The following C10orf90 variants were observed in gnomAD, a reference collection of about 807,000 sequenced individuals.
C10orf90 encodes the protein (E2-independent) E3 ubiquitin-conjugating enzyme FATS.
Under a neutral mutation model 62.5 loss-of-function variants are expected in C10orf90, and 56 were observed. That is an observed-to-expected ratio of 0.90 (90% CI 0.72 to 1.12). C10orf90 has a LOEUF of 1.12. Ranked by LOEUF, C10orf90 falls within the 50% of genes most tolerant of loss-of-function variation. The pLI is 0.00. For synonymous variants in C10orf90, 386 were observed against 340.4 expected (o/e 1.13, Z -1.47); for missense variants, 970 against 880.4 (o/e 1.10, Z -1.29).
intron 4 of C10orf90, among the ~76,000 whole-genome samples, chr10:126,494,646 C>G (rs191505169): frequency 6.6e-6 from 1 of 152,184 alleles, no homozygotes; most frequent in Non-Finnish European, 1.5e-5. Flanking sequence ...CGCCATGATG[C>G]GGTCCTTGCA....
chr10:126,451,404 G>A (rs1468003053), intron 7 of C10orf90, among the ~76,000 whole-genome samples: 1 of 152,104 alleles, frequency 6.6e-6, no homozygotes, highest in Non-Finnish European at 1.5e-5. Flanking sequence ...ATTCAGAATA[G>A]CCAAGATATG....
chr10:126,483,264 C>G (rs1424657773), intron 4 of C10orf90, among the ~76,000 whole-genome samples: 3 of 152,252 alleles, frequency 2.0e-5, no homozygotes, highest in African/African-American at 7.2e-5. Flanking sequence ...CTGTTTCATA[C>G]TTGGCATTCT....
intron 2 of C10orf90, among the ~76,000 whole-genome samples, chr10:126,548,612 A>C (rs554409464): frequency 6.6e-6 from 1 of 152,082 alleles, no homozygotes; most frequent in African/African-American, 2.4e-5. Context: ...TGATCCACCC[A>C]ACTCGGCCTC....
intron 2 of C10orf90, among the ~76,000 whole-genome samples, chr10:126,618,828 C>T (rs767318074): frequency 1.2e-4 from 19 of 152,180 alleles, no homozygotes; most frequent in Admixed American, 1.1e-3. Flanking sequence ...CAGAGCTGCA[C>T]TTTCCCTGTT....
chr10:126,618,660 T>C lies in C10orf90; in HGVS notation c.313+27905A>G, dbSNP rs77657857. Among the ~76,000 whole-genome samples, 1,167 of 151,898 alleles carry C rather than the reference T, an allele frequency of 7.7e-3. 9 individuals carry two copies. Among genetic ancestry groups the C allele is most frequent in the Non-Finnish European group, 0.013 (914 of 67,952 alleles). ...CTTTTACTGAAGTATGATTCATATATAGAAAAAAAAACAAATCACAAAGGG... is the reference window on the plus strand; with the variant it reads ...CTTTTACTGAAGTATGATTCATATACAGAAAAAAAAACAAATCACAAAGGG... On this transcript the variant is annotated intron_variant, in intron 2 of 9. Coordinates refer to ENST00000488181, the MANE Select transcript of C10orf90 (RefSeq NM_001350921.2).
rs888930399 is a variant in C10orf90, at chr10:126,571,392, G to A, written c.314-57453C>T. ...GTGGCCCAAGTCACCCAGGAGCAGC[G>A]CAGTTGGGAACCTGCAGGGCTGCTC... is the stretch of plus-strand genomic sequence containing the variant. On this transcript the variant is annotated intron_variant, in intron 2 of 9. Coordinates refer to ENST00000488181, the MANE Select transcript of C10orf90 (RefSeq NM_001350921.2). Among the ~76,000 whole-genome samples, 4 of 152,288 alleles carry A rather than the reference G, an allele frequency of 2.6e-5. 1 individual carries two copies. Among genetic ancestry groups the A allele is most frequent in the East Asian group, 3.9e-4 (2 of 5,152 alleles).
chr10:126,504,783 G>A lies in C10orf90; in HGVS notation c.708C>T (p.Ser236=). The change falls in exon 4 of 10, where the codon TCC becomes TCT. Residue 236 remains serine, a synonymous_variant. Transcript: ENST00000488181. This position sits in a 1 kb window ranked among gnomAD's most constrained non-coding sequence, Gnocchi z 4.1. ...PCGGPRRGFA[S]ITITARRVGP... ...CCACGCGTCTGGCCGTGATGGTGAT[G>A]GATGCAAACCCTCTGCGGGGGCCCC... 6.3e-7 allele frequency: 1 copy of A among 1,584,910 alleles called. No individual in the cohort carries two copies. Among genetic ancestry groups the A allele is most frequent in the Non-Finnish European group, 8.6e-7 (1 of 1,165,268 alleles).
At chr10:126,574,359 A>T (rs998816130) in intron 2 of C10orf90, among the ~76,000 whole-genome samples, 4 of 152,142 alleles carry the variant, frequency 2.6e-5, no homozygotes, top group Non-Finnish European at 4.4e-5. Flanking sequence ...TACAAATGGG[A>T]AGTTCACAGA....
chr10:126,440,832 GA>G (rs1336216694), intron 7 of C10orf90, among the ~76,000 whole-genome samples: 1 of 152,124 alleles, frequency 6.6e-6, no homozygotes, highest in Non-Finnish European at 1.5e-5. Flanking sequence ...ACATTCATAG[GA>G]AAAGGGGGAG....
chr10:126,515,013 G>GA (rs1344781768), intron 2 of C10orf90, among the ~76,000 whole-genome samples: 1 of 152,228 alleles, frequency 6.6e-6, no homozygotes, highest in Admixed American at 6.5e-5. Context: ...CAGGTGATGA[G>GA]AAAGAAGAGA....
chr10:126,571,082 A>G (rs1237727455), intron 2 of C10orf90, among the ~76,000 whole-genome samples: 3 of 152,226 alleles, frequency 2.0e-5, no homozygotes, highest in Non-Finnish European at 1.5e-5. Context: ...ATGGAAATAA[A>G]TGTTAGGTTT....
At chr10:126,653,779 G>A (rs1204641753) in intron 1 of C10orf90, among the ~76,000 whole-genome samples, 1 of 152,112 alleles carries the variant, frequency 6.6e-6, no homozygotes, top group African/African-American at 2.4e-5. Context: ...ACTCTCTATG[G>A]CAGCTATAGC....
chr10:126,531,849 G>A (rs921919646), intron 2 of C10orf90, among the ~76,000 whole-genome samples: 3 of 152,170 alleles, frequency 2.0e-5, no homozygotes, highest in African/African-American at 7.2e-5. Flanking sequence ...GGAAGCCACA[G>A]ACTGGGATAA....
At chr10:126,475,672 TG>T (rs1464586187) in intron 4 of C10orf90, among the ~76,000 whole-genome samples, 1 of 152,206 alleles carries the variant, frequency 6.6e-6, no homozygotes, top group Non-Finnish European at 1.5e-5. Flanking sequence ...CATTAGGTGC[TG>T]GAAGAAGCAA....
Position 126,623,839 on chromosome 10 carries a change from TCAA to T in C10orf90, c.313+22723_313+22725del, listed in dbSNP as rs1278065537. Among the ~76,000 whole-genome samples, 413 of 136,602 alleles carry T rather than the reference TCAA, an allele frequency of 3.0e-3. 3 individuals carry two copies. Among genetic ancestry groups the T allele is most frequent in the Middle Eastern group, 0.012 (3 of 256 alleles). The allele number at this position is 136,602 out of a possible 152,430, so 89.6% of individuals were successfully genotyped here. ...CTGGGTGACAGAGCGAGACTCCATC[TCAA>T]AAAAAAAAAAAAAAAAGAATGAGAG... On this transcript the variant is annotated intron_variant, in intron 2 of 9. Coordinates refer to ENST00000488181, the MANE Select transcript of C10orf90 (RefSeq NM_001350921.2).
At chr10:126,519,919 C>T (rs548277191) in intron 2 of C10orf90, among the ~76,000 whole-genome samples, 11 of 152,288 alleles carry the variant, frequency 7.2e-5, no homozygotes, top group East Asian at 3.9e-4. Context: ...CCTCAGAGGC[C>T]GGCTGCCTCC....
chr10:126,433,045 G>A (rs1342521349), intron 7 of C10orf90, among the ~76,000 whole-genome samples: 1 of 152,140 alleles, frequency 6.6e-6, no homozygotes, highest in Non-Finnish European at 1.5e-5. Flanking sequence ...AGTGAGATAG[G>A]TCAGGCAATT....
chr10:126,590,046 T>C (rs944484563), intron 2 of C10orf90, among the ~76,000 whole-genome samples: 5 of 152,172 alleles, frequency 3.3e-5, no homozygotes, highest in African/African-American at 7.2e-5. Flanking sequence ...GTTGCAATCC[T>C]AGTTTCTGAC....
intron 1 of C10orf90, among the ~76,000 whole-genome samples, chr10:126,652,124 T>C (rs1387589145): frequency 2.0e-5 from 3 of 152,230 alleles, no homozygotes; most frequent in African/African-American, 7.2e-5. Context: ...GATCAGTTTA[T>C]GGATCAACAG....
Sources: allele counts gnomAD v4.1 joint callset (sites outside exome capture counted in the v4.1 genomes callset), GRCh38; gene constraint gnomAD v4.1.1; non-coding constraint Gnocchi (gnomAD v3.1); transcripts MANE v1.5; gene names NCBI Gene and HGNC (gene_info 2026-07-23, HGNC 2026-07-21).